Variants in CYP4F11 observed in about 807,000 individuals in gnomAD.
CYP4F11 encodes cytochrome P450 family 4 subfamily F member 11.
A neutral mutation model predicts 62.2 loss-of-function variants in CYP4F11; 79 were observed. That is an observed-to-expected ratio of 1.27 (90% CI 1.06 to 1.53). The LOEUF is 1.53. Among genes scored for constraint, CYP4F11 ranks in the 40% most tolerant of loss-of-function variants. The probability of loss-of-function intolerance (pLI) is 0.00; values close to 1 mark genes in which losing one functional copy is unlikely to be tolerated. For missense variants in CYP4F11, 777 were observed against 680.5 expected, an observed-to-expected ratio of 1.14 and a Z score of -1.58; for synonymous variants, 290 against 263.7, an observed-to-expected ratio of 1.10 and a Z score of -0.97.
intron 2 of CYP4F11, chr19:15,928,131 C>G (rs2089684198): frequency 6.6e-6 from 1 of 152,226 alleles, no homozygotes; most frequent in African/African-American, 2.4e-5. Context: ...CAAAGATTCC[C>G]TGGGTCCTAC....
intron 2 of CYP4F11, chr19:15,927,947 T>C (rs537000435): frequency 6.1e-6 from 1 of 164,954 alleles, no homozygotes; most frequent in African/African-American, 2.4e-5. Flanking sequence ...GGACCTGAGA[T>C]GGTCTGATAT....
intron 8 of CYP4F11, among the ~76,000 whole-genome samples, chr19:15,916,823 G>A (rs12978826): frequency 0.54 from 82,590 of 151,984 alleles, 23,033 homozygotes; most frequent in Non-Finnish European, 0.61. Context: ...CATTGCTGCT[G>A]CAAATGTAAA....
At chr19:15,923,688 A>T in intron 6 of CYP4F11, 124 bp downstream of exon 6, 7 of 1,339,038 alleles carry the variant, frequency 5.2e-6, no homozygotes, top group Non-Finnish European at 6.1e-6. Context: ...CCTATCTCTG[A>T]CCTGTCTTTT....
At chr19:15,921,054 G>GTCTCTCTC (rs60842401) in intron 8 of CYP4F11, among the ~76,000 whole-genome samples, 37 of 122,452 alleles carry the variant, frequency 3.0e-4, no homozygotes, top group Non-Finnish European at 4.0e-4. Context: ...CTCTCTTTCT[G>GTCTCTCTC]TCTCTCTCTC....
chr19:15,934,113 C>T, intron 1 of CYP4F11, 98 bp downstream of exon 1: 1 of 1,335,830 alleles, frequency 7.5e-7, no homozygotes, highest in Non-Finnish European at 1.1e-6. Flanking sequence ...TTCCCACACC[C>T]CAGCCACCCT....
At chr19:15,919,561 G>A (rs1599372753) in intron 8 of CYP4F11, among the ~76,000 whole-genome samples, 1 of 151,928 alleles carries the variant, frequency 6.6e-6, no homozygotes, top group African/African-American at 2.4e-5. Flanking sequence ...ACAAATTGAT[G>A]TCTCAAGAGA....
intron 8 of CYP4F11, among the ~76,000 whole-genome samples, chr19:15,919,413 C>CGGATGGAT (rs56657452): frequency 0.019 from 2,739 of 144,588 alleles, 30 homozygotes; most frequent in Middle Eastern, 0.064. Flanking sequence ...GATGGATGGA[C>CGGATGGAT]GGATGGATGG....
chr19:15,912,680 A>AAAAATATATAT lies in CYP4F11; in HGVS notation c.*1051_*1052insATATATATTTT, dbSNP rs59091525. The AAAAATATATAT allele has an allele frequency of 3.0e-5, 2 of 66,174 alleles. No homozygotes were observed. The highest frequency in any genetic ancestry group is 5.5e-5 in the Non-Finnish European group (2 of 36,174). 4.1% of individuals were successfully genotyped at this position (66,174 alleles called of 1,614,324 possible). On this transcript the variant is annotated 3_prime_UTR_variant, in exon 12 of 12. Transcript: ENST00000402119. ...TCACCATCCTCAGGAAAAAAAAAAAAATATATATATATATATATGTGTGTG... is the reference window on the plus strand; with the variant it reads ...TCACCATCCTCAGGAAAAAAAAAAAAAAAATATATATATATATATATATATATATGTGTGTG...
Position 15,924,899 on chromosome 19 carries a change from C to A in CYP4F11, c.526-17G>T. 6.2e-7 allele frequency: 1 copy of A among 1,603,118 alleles called. No homozygotes were observed. Among genetic ancestry groups the A allele is most frequent in the Non-Finnish European group, 8.5e-7 (1 of 1,174,190 alleles). ...CCACTTGTCCTGGCCAGAGAAAAAACAGAGCCAAAGCTGGGAACTGCCTCC... is the reference window on the plus strand; with the variant it reads ...CCACTTGTCCTGGCCAGAGAAAAAAAAGAGCCAAAGCTGGGAACTGCCTCC... On this transcript the variant is annotated splice_polypyrimidine_tract_variant and intron_variant, in intron 4 of 11. Transcript: ENST00000402119.
rs986436180 is a variant in CYP4F11, at chr19:15,914,203, G to A, written c.1397+102C>T. 15 of 1,398,024 alleles carry A rather than the reference G, an allele frequency of 1.1e-5. 1 individual carries two copies. The highest frequency in any genetic ancestry group is 9.9e-7 in the Non-Finnish European group (1 of 1,009,142). 86.6% of individuals were successfully genotyped at this position (1,398,024 alleles called of 1,614,324 possible). On this transcript the variant is annotated intron_variant, in intron 11 of 11. Coordinates refer to ENST00000402119, the MANE Select transcript of CYP4F11 (RefSeq NM_021187.4). ...CAGTTGCCCATGAACTCCTGAGGAA[G>A]GGAGGGAAGGAGAGCTGGAACTGGG...
At chr19:15,923,425 A>G (rs979704871) in intron 6 of CYP4F11, among the ~76,000 whole-genome samples, 5 of 152,158 alleles carry the variant, frequency 3.3e-5, no homozygotes, top group African/African-American at 1.2e-4. Context: ...GCATTACCCT[A>G]GAAGGAATAT....
At position 15,912,414 on chromosome 19, in the gene CYP4F11, G is replaced by C. The variant is rs1229901212; in HGVS notation, c.*1318C>G. ...ACTTATATTTGATAAAGGTGCAAAG[G>C]CAATACGATGGTCCCAAATAAAAAA... On this transcript the variant is annotated 3_prime_UTR_variant, in exon 12 of 12. Coordinates refer to ENST00000402119, the MANE Select transcript of CYP4F11 (RefSeq NM_021187.4). 6.6e-6 allele frequency: 1 copy of C among 151,930 alleles called. No homozygotes were observed. The highest frequency in any genetic ancestry group is 1.5e-5 in the Non-Finnish European group (1 of 67,992). The allele number at this position is 151,930 out of a possible 1,614,324, so 9.4% of individuals were successfully genotyped here.
In CYP4F11 at chr19:15,929,462, G is replaced by A. The variant is rs779819671; in HGVS notation, c.338C>T (p.Ala113Val). The A allele has an allele frequency of 6.2e-7, 1 of 1,614,114 alleles. No homozygotes were observed. The highest frequency in any genetic ancestry group is 1.1e-5 in the South Asian group (1 of 91,074). Reference sequence around the variant, plus strand: ...CACAAGCTCTGCACGGGTACCTGAGGCACTGGTGATAGGCCGGATAATGTC... The same window carrying A: ...CACAAGCTCTGCACGGGTACCTGAGACACTGGTGATAGGCCGGATAATGTC... Reference protein sequence around the residue: ...HPDIIRPITSASAAVAPKDMI... With the variant: ...HPDIIRPITSVSAAVAPKDMI... The change falls in exon 2 of 12, where the codon GCC becomes GTC. Residue 113 changes from alanine (A) to valine (V), a missense_variant. By Grantham distance (64) the Ala-to-Val change is moderately conservative (BLOSUM62 0). Coordinates refer to ENST00000402119, the MANE Select transcript of CYP4F11 (RefSeq NM_021187.4).
intron 5 of CYP4F11, among the ~76,000 whole-genome samples, chr19:15,924,299 C>T (rs1471561461): frequency 6.6e-6 from 1 of 152,144 alleles, no homozygotes; most frequent in Non-Finnish European, 1.5e-5. Flanking sequence ...TCTCTCCCGT[C>T]TCTCCCACCC....
Position 15,913,704 on chromosome 19 carries a change from T to A in CYP4F11, c.*28A>T. 6.3e-7 allele frequency: 1 copy of A among 1,595,424 alleles called. No individual in the cohort carries two copies. The highest frequency in any genetic ancestry group is 1.1e-5 in the South Asian group (1 of 90,744). ...CAGCATAGTTTTGTTTCTGGGACTCTACAGAGGTGGGTGGGTGGGTAGGAC... is the reference window on the plus strand; with the variant it reads ...CAGCATAGTTTTGTTTCTGGGACTCAACAGAGGTGGGTGGGTGGGTAGGAC... On this transcript the variant is annotated 3_prime_UTR_variant, in exon 12 of 12. Coordinates refer to ENST00000402119, the MANE Select transcript of CYP4F11 (RefSeq NM_021187.4).
chr19:15,923,269 C>CTT (rs2089643051), intron 6 of CYP4F11, among the ~76,000 whole-genome samples: 1 of 151,564 alleles, frequency 6.6e-6, no homozygotes, highest in Non-Finnish European at 1.5e-5. Flanking sequence ...CTCTCTCTCT[C>CTT]TCTCTCTCTC....
intron 8 of CYP4F11, among the ~76,000 whole-genome samples, chr19:15,917,793 T>C (rs1177388048): frequency 2.6e-5 from 4 of 151,620 alleles, no homozygotes; most frequent in Non-Finnish European, 4.4e-5. Flanking sequence ...AGAAAAAAAA[T>C]GGCAAGAGAT....
Position 15,914,372 on chromosome 19 carries a change from G to A in CYP4F11, c.1330C>T (p.Arg444Cys), listed in dbSNP as rs146962563. 115 of 1,613,930 alleles carry A rather than the reference G, an allele frequency of 7.1e-5. No individual in the cohort carries two copies. In the African/African-American group the frequency reaches 1.1e-3, roughly 15 times the overall value. Residue 444 changes from arginine to cysteine, a missense_variant, in exon 11 of 12, where the codon CGT (arginine) becomes TGT (cysteine). Arg to Cys is a radical substitution (Grantham distance 180). Coordinates refer to ENST00000402119, the MANE Select transcript of CYP4F11 (RefSeq NM_021187.4). Reference sequence around the variant, plus strand: ...TCCTTGATGTTCTCTTGGTCGAAACGGAAGGGGTCGTAGACCTGCAGGTGA... The same window carrying A: ...TCCTTGATGTTCTCTTGGTCGAAACAGAAGGGGTCGTAGACCTGCAGGTGA... ...WPDPEVYDPF[R>C]FDQENIKERS...
intron 10 of CYP4F11, 39 bp from the exon 11 acceptor site, chr19:15,914,426 C>T (rs771943377): frequency 6.2e-7 from 1 of 1,601,046 alleles, no homozygotes; most frequent in East Asian, 2.2e-5. Flanking sequence ...GGTGGGGTCA[C>T]CCAGTTGGGT....
Sources: allele counts gnomAD v4.1 joint callset (sites outside exome capture counted in the v4.1 genomes callset), GRCh38; gene constraint gnomAD v4.1.1; transcripts MANE v1.5; gene names NCBI Gene and HGNC (gene_info 2026-07-23, HGNC 2026-07-21).